The following ACIN1 variants were observed in gnomAD, a reference collection of about 807,000 sequenced individuals.
ACIN1 encodes apoptotic chromatin condensation inducer 1.
Under a neutral mutation model 146.6 loss-of-function variants are expected in ACIN1, and 16 were observed. That is an observed-to-expected ratio of 0.11 (90% CI 0.07 to 0.17). ACIN1 has a LOEUF of 0.17. Ranked by LOEUF, ACIN1 falls within the 10% of genes least tolerant of loss-of-function variation. The probability of loss-of-function intolerance (pLI) is 1.00; values close to 1 mark genes in which losing one functional copy is unlikely to be tolerated. For missense variants in ACIN1, 1,357 were observed against 1,609.3 expected, an observed-to-expected ratio of 0.84 and a Z score of 2.68; for synonymous variants, 569 against 582.7, an observed-to-expected ratio of 0.98 and a Z score of 0.34.
chr14:23,080,988 A>T (rs2047929567), intron 5 of ACIN1, among the ~76,000 whole-genome samples, 179 bp from the exon 6 acceptor site: 1 of 152,198 alleles, frequency 6.6e-6, no homozygotes. Context: ...GAATCAAAAC[A>T]AAGTGACCAA....
At position 23,064,252 on chromosome 14, in the gene ACIN1, G is replaced by A. The variant is rs771587723; in HGVS notation, c.2448C>T (p.Leu816=). 3.7e-6 allele frequency: 6 copies of A among 1,613,884 alleles called. No individual in the cohort carries two copies. The Admixed American group carries it at 6.7e-5, about 18-fold the overall frequency. ...CCGCCAGGGGTTTGATGTCGGGGAT[G>A]AGGCTCTGGGACACAGATACCCCCC... The part of the protein sequence containing the change: ...ISITTESLKS[L]IPDIKPLAGQ... The change falls in exon 12 of 19, where the codon CTC becomes CTT. Residue 816 remains leucine, a synonymous_variant. Transcript: ENST00000605057.
chr14:23,080,663 ATCTTCTTCCTCCTCCTCCTCCTCC>A lies in ACIN1; in HGVS notation c.648_671del (p.Glu216_Glu223del). 1 of 1,611,868 alleles carries A rather than the reference ATCTTCTTCCTCCTCCTCCTCCTCC, an allele frequency of 6.2e-7. No individual in the cohort carries two copies. Among genetic ancestry groups the A allele is most frequent in the Non-Finnish European group, 8.5e-7 (1 of 1,179,584 alleles). On this transcript the variant is annotated inframe_deletion, in exon 6 of 19. Coordinates refer to ENST00000605057, the MANE Select transcript of ACIN1 (RefSeq NM_001386863.1). ...CATCATCACCTTCCTCTTCTTCATC[ATCTTCTTCCTCCTCCTCCTCCTCC>A]TCTTCTTCCTCCTCTGTTTTCAAAT...
chr14:23,059,997 G>C (rs1464042063), intron 18 of ACIN1, among the ~76,000 whole-genome samples: 1 of 121,106 alleles, frequency 8.3e-6, no homozygotes, highest in Admixed American at 1.0e-4. Flanking sequence ...TCACTCTGTC[G>C]CCCAGGCTGG....
In ACIN1 at chr14:23,061,477, C is replaced by T. The variant is rs2047277266; in HGVS notation, c.3245G>A (p.Arg1082Gln). 2.2e-6 allele frequency: 3 copies of T among 1,367,416 alleles called. No individual in the cohort carries two copies. The highest frequency in any genetic ancestry group is 1.1e-5 in the South Asian group (1 of 88,050). The allele number at this position is 1,367,416 out of a possible 1,614,324, so 84.7% of individuals were successfully genotyped here. A position where few individuals can be genotyped will look rare whatever the true frequency, so the allele number is the denominator to read the frequency against. The change falls in exon 17 of 19, where the codon CGG becomes CAG. Residue 1082 changes from arginine to glutamine, a missense_variant. This residue lies in a region of ACIN1 where 509 missense variants were observed against 719.6 expected (regional missense o/e 0.71). Coordinates refer to ENST00000605057, the MANE Select transcript of ACIN1 (RefSeq NM_001386863.1). Reference protein sequence around the residue: ...HPRAEQREQERAVREQWAERE... With the variant: ...HPRAEQREQEQAVREQWAERE... Reference sequence around the variant, plus strand: ...TTCTGCCCACTGTTCCCGCACTGCCCGTTCCTGCTCCCGCTGCTCTGCCCG... The same window carrying T: ...TTCTGCCCACTGTTCCCGCACTGCCTGTTCCTGCTCCCGCTGCTCTGCCCG...
chr14:23,095,221 C>G (rs115984185), upstream of ACIN1: 32 of 1,613,682 alleles, frequency 2.0e-5, no homozygotes, highest in Non-Finnish European at 2.7e-5. Context: ...CATACTCTAC[C>G]CCTCGATTAC....
intron 12 of ACIN1, among the ~76,000 whole-genome samples, 180 bp downstream of exon 12, chr14:23,063,925 C>G (rs1180319009): frequency 6.6e-6 from 1 of 152,224 alleles, no homozygotes; most frequent in Non-Finnish European, 1.5e-5. Context: ...TCCAATCAAA[C>G]TTTATTTGTA....
intron 2 of ACIN1, among the ~76,000 whole-genome samples, chr14:23,092,738 T>C (rs539127724): frequency 1.3e-5 from 2 of 152,348 alleles, no homozygotes; most frequent in African/African-American, 4.8e-5. Context: ...AACTGTGGAA[T>C]AATTTAAAAA....
Position 23,078,220 on chromosome 14 carries a change from G to C in ACIN1, c.2054C>G (p.Ala685Gly). Residue 685 changes from alanine to glycine, a missense_variant, in exon 8 of 19, where the codon GCC becomes GGC. Coordinates refer to ENST00000605057, the MANE Select transcript of ACIN1 (RefSeq NM_001386863.1). ...CEAEEAEPPA[A>G]TQPQTSETQT... The stretch of plus-strand genomic sequence containing the variant: ...AGTCTCTGAGGTTTGGGGCTGTGTG[G>C]CAGCTGGTGGCTCTGCCTCTTCAGC... 6.2e-7 allele frequency: 1 copy of C among 1,614,172 alleles called. No individual in the cohort carries two copies. The highest frequency in any genetic ancestry group is 8.5e-7 in the Non-Finnish European group (1 of 1,180,010).
intron 15 of ACIN1, 30 bp downstream of exon 15, chr14:23,062,386 T>C (rs781706014): frequency 2.5e-6 from 4 of 1,611,532 alleles, no homozygotes; most frequent in Admixed American, 1.7e-5. Flanking sequence ...ATATATGCCA[T>C]GACCTATAGA....
chr14:23,085,636 C>G (rs962172732), intron 4 of ACIN1, among the ~76,000 whole-genome samples: 32 of 152,084 alleles, frequency 2.1e-4, no homozygotes, highest in South Asian at 4.1e-4. Flanking sequence ...GCGCCTCAGA[C>G]ATGAAACAAG....
In ACIN1 at chr14:23,078,827, G is replaced by A. The variant is rs2047868067; in HGVS notation, c.2000C>T (p.Pro667Leu). ...AEKHVTQRLQ[P>L]ERGSPKKCEA... ...GGGGTCACAATAGCCTACCCGCTCA[G>A]GCTGTAACCTCTGGGTCACATGCTT... The change falls in exon 7 of 19, where the codon CCT becomes CTT. Residue 667 changes from proline to leucine, a missense_variant. Around this residue, in one of 4 missense-constraint regions of ACIN1, gnomAD observed 771 missense variants for 746.6 expected, o/e 1.03. Transcript: ENST00000605057. The A allele has an allele frequency of 1.2e-6, 2 of 1,612,230 alleles. No individual in the cohort carries two copies. The highest frequency in any genetic ancestry group is 2.7e-5 in the African/African-American group (2 of 74,808).
At chr14:23,070,398 C>T (rs1320550622) in intron 8 of ACIN1, among the ~76,000 whole-genome samples, 3 of 152,082 alleles carry the variant, frequency 2.0e-5, no homozygotes, top group Non-Finnish European at 4.4e-5. Context: ...CACCCAGTTT[C>T]TCCCACTCCC....
In ACIN1 at chr14:23,059,715, A is replaced by G. The variant is rs529804229; in HGVS notation, c.3526-241T>C. ...TCGCCCAGGCTGGGAGTGCAGTGGC[A>G]CGATCTCGGCTCACTGCAAGCTCCA... On this transcript the variant is annotated intron_variant, in intron 18 of 18. Coordinates refer to ENST00000605057, the MANE Select transcript of ACIN1 (RefSeq NM_001386863.1). 3.0e-3 allele frequency among the ~76,000 whole-genome samples: 424 copies of G among 143,630 alleles called. 2 individuals are homozygous for G. Among genetic ancestry groups the G allele is most frequent in the African/African-American group, 0.01 (395 of 38,236 alleles). 94.2% of individuals were successfully genotyped at this position (143,630 alleles called of 152,430 possible).
chr14:23,085,572 G>C (rs74842241), intron 4 of ACIN1, among the ~76,000 whole-genome samples: 6,737 of 152,236 alleles, frequency 0.044, 191 homozygotes, highest in East Asian at 0.13. Flanking sequence ...AATGAACAGG[G>C]CTGTTCAGAA....
chr14:23,095,184 A>G (rs553437375), upstream of ACIN1: 14 of 1,613,960 alleles, frequency 8.7e-6, no homozygotes, highest in African/African-American at 6.7e-5. Flanking sequence ...CGCCCTTCGA[A>G]CGTACCGAGA....
At chr14:23,085,158 G>A (rs911538376) in intron 4 of ACIN1, among the ~76,000 whole-genome samples, 6 of 151,902 alleles carry the variant, frequency 3.9e-5, no homozygotes, top group East Asian at 1.9e-4. Flanking sequence ...GTGAAACCCC[G>A]TCTCTACTAA....
At chr14:23,075,418 A>G (rs775785748) in intron 8 of ACIN1, among the ~76,000 whole-genome samples, 32 of 150,836 alleles carry the variant, frequency 2.1e-4, no homozygotes, top group Middle Eastern at 3.4e-3. Context: ...AGAAGACCAG[A>G]GTTTTGAACA....
At chr14:23,086,443 G>A (rs1376714726) in intron 4 of ACIN1, among the ~76,000 whole-genome samples, 1 of 152,220 alleles carries the variant, frequency 6.6e-6, no homozygotes, top group Non-Finnish European at 1.5e-5. Context: ...ATGGTAGGTG[G>A]ATAATGAGTC....
upstream of ACIN1, chr14:23,095,251 T>C: frequency 6.2e-7 from 1 of 1,608,040 alleles, no homozygotes; most frequent in Non-Finnish European, 8.5e-7. Context: ...CTCCCCGGGT[T>C]CCTCCGGATG....
Sources: gnomAD v4.1 joint callset for allele counts (sites outside exome capture counted in the v4.1 genomes callset) on GRCh38, gnomAD v4.1.1 for gene constraint, gnomAD v4.1.1 regional missense constraint, MANE v1.5 for transcripts, NCBI Gene and HGNC (gene_info 2026-07-23, HGNC 2026-07-21) for gene names.